Variants in EIF4EBP1 observed in about 807,000 individuals in gnomAD.
EIF4EBP1 encodes eukaryotic translation initiation factor 4E binding protein 1.
In EIF4EBP1, 5 loss-of-function variants were observed where a neutral mutation model predicts 9.2. The ratio of observed to expected loss-of-function variants is 0.54; its 90% CI spans 0.28 to 1.14. The LOEUF (loss-of-function observed/expected upper bound fraction) is 1.14, where lower values mean the gene tolerates loss of function less well. EIF4EBP1 is among the 50% of genes most tolerant of loss of function. The probability of loss-of-function intolerance (pLI) is 0.09; values close to 1 mark genes in which losing one functional copy is unlikely to be tolerated. For synonymous variants in EIF4EBP1, 62 were observed against 67.0 expected (o/e 0.93, Z 0.36); for missense variants, 139 against 169.6 (o/e 0.82, Z 1.00).
Position 38,057,442 on chromosome 8 carries a change from T to C in EIF4EBP1, c.325+182T>C, listed in dbSNP as rs140105225. Reference sequence around the variant, plus strand: ...GTGGGGAGGTTGAACTCTTCATTGGTAGCAACTTTCCCCCTGAAAGGGGCC... The same window carrying C: ...GTGGGGAGGTTGAACTCTTCATTGGCAGCAACTTTCCCCCTGAAAGGGGCC... On this transcript the variant is annotated intron_variant, in intron 2 of 2. Transcript: ENST00000338825. Among the ~76,000 whole-genome samples, 943 of 152,202 alleles carry C rather than the reference T, an allele frequency of 6.2e-3. 9 individuals are homozygous for C. Among genetic ancestry groups the C allele is most frequent in the African/African-American group, 0.022 (905 of 41,510 alleles).
chr8:38,049,133 A>G (rs1210028605), intron 1 of EIF4EBP1, among the ~76,000 whole-genome samples: 1 of 151,838 alleles, frequency 6.6e-6, no homozygotes, highest in East Asian at 1.9e-4. Flanking sequence ...CTCAAAAAAA[A>G]AAAAAAGAAA....
chr8:38,030,630 C>A lies in EIF4EBP1; in HGVS notation c.57C>A (p.Arg19=). 1 of 1,514,608 alleles carries A rather than the reference C, an allele frequency of 6.6e-7. No individual in the cohort carries two copies. The highest frequency in any genetic ancestry group is 1.2e-5 in the South Asian group (1 of 82,110). 93.8% of individuals were successfully genotyped at this position (1,514,608 alleles called of 1,614,324 possible). A position where few individuals can be genotyped will look rare whatever the true frequency, so the allele number is the denominator to read the frequency against. ...QTPSRAIPAT[R]RVVLGDGVQL... ...CAAGCCGGGCCATCCCCGCCACTCG[C>A]CGGGTGGTGCTCGGCGACGGCGTGC... is the stretch of plus-strand genomic sequence containing the variant. Residue 19 remains arginine, a synonymous_variant, in exon 1 of 3, where the codon CGC becomes CGA. Coordinates refer to ENST00000338825, the MANE Select transcript of EIF4EBP1 (RefSeq NM_004095.4).
chr8:38,043,393 C>T (rs1809409572), intron 1 of EIF4EBP1, among the ~76,000 whole-genome samples: 1 of 140,632 alleles, frequency 7.1e-6, no homozygotes. Context: ...GAGATGGAGT[C>T]TTGCTCTGTT....
intron 1 of EIF4EBP1, among the ~76,000 whole-genome samples, chr8:38,032,618 T>C (rs1809240688): frequency 6.6e-6 from 1 of 152,154 alleles, no homozygotes; most frequent in South Asian, 2.1e-4. Flanking sequence ...CCTTTGAAGG[T>C]CTTTAGCAGT....
chr8:38,031,974 A>G (rs1455267709), intron 1 of EIF4EBP1, among the ~76,000 whole-genome samples: 1 of 152,170 alleles, frequency 6.6e-6, no homozygotes, highest in Non-Finnish European at 1.5e-5. Context: ...TCTTGTTGCC[A>G]TTCCCGACTC....
At chr8:38,038,030 C>G (rs1161830877) in intron 1 of EIF4EBP1, among the ~76,000 whole-genome samples, 1 of 151,786 alleles carries the variant, frequency 6.6e-6, no homozygotes, top group Non-Finnish European at 1.5e-5. Flanking sequence ...ACCTCAGCCT[C>G]CCAAAACACT....
intron 1 of EIF4EBP1, among the ~76,000 whole-genome samples, chr8:38,035,184 C>G (rs1809282069): frequency 6.6e-6 from 1 of 152,090 alleles, no homozygotes; most frequent in African/African-American, 2.4e-5. Context: ...GTGTAGAGCA[C>G]TCCAAAATCC....
intron 1 of EIF4EBP1, among the ~76,000 whole-genome samples, chr8:38,036,551 T>G (rs1421013614): frequency 1.3e-5 from 2 of 152,118 alleles, no homozygotes; most frequent in Non-Finnish European, 2.9e-5. Context: ...GGAAAAAGGG[T>G]CAGCAGAGCA....
intron 1 of EIF4EBP1, among the ~76,000 whole-genome samples, chr8:38,055,957 G>A (rs1367544089): frequency 1.1e-4 from 16 of 152,100 alleles, no homozygotes; most frequent in Admixed American, 7.9e-4. Context: ...TCACAAAGGA[G>A]GGGCTCAGCA....
At chr8:38,034,480 T>C (rs964277217) in intron 1 of EIF4EBP1, among the ~76,000 whole-genome samples, 4 of 152,200 alleles carry the variant, frequency 2.6e-5, no homozygotes, top group African/African-American at 9.7e-5. Flanking sequence ...CTGTGGAGTC[T>C]TAAAAATATC....
intron 1 of EIF4EBP1, among the ~76,000 whole-genome samples, chr8:38,041,201 A>C (rs1478339921): frequency 2.0e-5 from 3 of 152,136 alleles, no homozygotes; most frequent in Non-Finnish European, 4.4e-5. Flanking sequence ...TCCCAGGTTC[A>C]AGTGATTCTT....
chr8:38,054,344 G>A (rs575072041), intron 1 of EIF4EBP1, among the ~76,000 whole-genome samples: 51 of 152,298 alleles, frequency 3.3e-4, no homozygotes, highest in African/African-American at 1.1e-3. Context: ...CCAGCTACTG[G>A]GGAGGCTGAG....
chr8:38,052,661 T>G (rs1478821187), intron 1 of EIF4EBP1, among the ~76,000 whole-genome samples: 1 of 150,698 alleles, frequency 6.6e-6, no homozygotes, highest in African/African-American at 2.4e-5. Context: ...GAGGTTACAG[T>G]GAGCCGAGAT....
intron 1 of EIF4EBP1, among the ~76,000 whole-genome samples, chr8:38,033,317 C>T (rs955151185): frequency 1.6e-4 from 24 of 151,982 alleles, no homozygotes; most frequent in African/African-American, 5.3e-4. Context: ...ATCTGCCTGC[C>T]TCGGCCTTCC....
chr8:38,056,962 C>G (rs1809604097), intron 1 of EIF4EBP1, 119 bp from the exon 2 acceptor site: 15 of 1,071,550 alleles, frequency 1.4e-5, no homozygotes, highest in Middle Eastern at 2.1e-4. Flanking sequence ...CGCACCCAGC[C>G]TCCTCTGGGT....
chr8:38,040,083 A>G (rs918279552), intron 1 of EIF4EBP1, among the ~76,000 whole-genome samples: 4 of 152,062 alleles, frequency 2.6e-5, no homozygotes, highest in South Asian at 2.1e-4. Context: ...GATGAGGTCT[A>G]TGTTGCCCAG....
At chr8:38,052,945 T>G (rs1047326961) in intron 1 of EIF4EBP1, among the ~76,000 whole-genome samples, 5 of 152,226 alleles carry the variant, frequency 3.3e-5, no homozygotes, top group Admixed American at 6.5e-5. Context: ...AGGATTCTTA[T>G]TTTTAAGTAA....
chr8:38,041,715 G>A (rs1188772956), intron 1 of EIF4EBP1, among the ~76,000 whole-genome samples: 1 of 152,192 alleles, frequency 6.6e-6, no homozygotes, highest in Admixed American at 6.5e-5. Context: ...ACAAGGTCGG[G>A]TGCAGTAGCT....
intron 1 of EIF4EBP1, among the ~76,000 whole-genome samples, chr8:38,052,046 A>T (rs1184477917): frequency 1.3e-5 from 2 of 152,132 alleles, no homozygotes; most frequent in African/African-American, 4.8e-5. Flanking sequence ...ACCTTTGGCT[A>T]AAGAGTTTTA....
Sources: gnomAD v4.1 joint callset for allele counts (sites outside exome capture counted in the v4.1 genomes callset) on GRCh38, gnomAD v4.1.1 for gene constraint, MANE v1.5 for transcripts, NCBI Gene and HGNC (gene_info 2026-07-23, HGNC 2026-07-21) for gene names.